The following RSPO3 variants were observed in gnomAD, a reference collection of about 807,000 sequenced individuals.
The protein encoded by RSPO3 is R-spondin 3.
Under a neutral mutation model 36.5 loss-of-function variants are expected in RSPO3, and 17 were observed. The observed-to-expected ratio is 0.47, with a 90% CI of 0.32 to 0.70. The LOEUF (loss-of-function observed/expected upper bound fraction) is 0.70. Ranked by LOEUF, RSPO3 falls within the 30% of genes least tolerant of loss-of-function variation. The pLI is 0.04. For missense variants in RSPO3, 294 were observed against 322.5 expected, an observed-to-expected ratio of 0.91 and a Z score of 0.68; for synonymous variants, 108 against 107.0, an observed-to-expected ratio of 1.01 and a Z score of -0.06.
intron 4 of RSPO3, among the ~76,000 whole-genome samples, chr6:127,159,940 T>C (rs551553431): frequency 6.6e-6 from 1 of 152,216 alleles, no homozygotes; most frequent in South Asian, 2.1e-4. Context: ...TGAGCCACCA[T>C]GCCTGGCTGA....
At chr6:127,152,615 C>T (rs191558020) in intron 3 of RSPO3, among the ~76,000 whole-genome samples, 1 of 152,202 alleles carries the variant, frequency 6.6e-6, no homozygotes, top group Admixed American at 6.5e-5. Flanking sequence ...CTAAAATCCA[C>T]ACCGTATTTC....
At position 127,195,863 on chromosome 6, in the gene RSPO3, A is replaced by G. The variant is rs1172606837; in HGVS notation, c.675A>G (p.Lys225=). ...AGAGGAAAAGAAAAAAACCTAATAA[A>G]GGAGAAAGTAAAGAAGCAATACCTG... The part of the protein sequence containing the change: ...GRERKRKKPN[K]GESKEAIPDS... Residue 225 remains lysine, a synonymous_variant, in exon 5 of 5, where the codon AAA becomes AAG. Coordinates refer to ENST00000356698, the MANE Select transcript of RSPO3 (RefSeq NM_032784.5). 8 of 1,598,306 alleles carry G rather than the reference A, an allele frequency of 5.0e-6. No homozygotes were observed. The highest frequency in any genetic ancestry group is 4.5e-5 in the East Asian group (2 of 44,632).
At chr6:127,195,752 T>C (rs1212578304) in intron 4 of RSPO3, 71 bp from the exon 5 acceptor site, 1 of 1,089,830 alleles carries the variant, frequency 9.2e-7, no homozygotes, top group African/African-American at 1.6e-5. Flanking sequence ...ATTTAAGTCA[T>C]TTTTTAAAAT....
chr6:127,171,315 T>C (rs1774930441), intron 4 of RSPO3, among the ~76,000 whole-genome samples: 1 of 151,770 alleles, frequency 6.6e-6, no homozygotes, highest in Non-Finnish European at 1.5e-5. Flanking sequence ...CAAGGCATTG[T>C]GCAGAGGTTA....
intron 1 of RSPO3, among the ~76,000 whole-genome samples, chr6:127,123,442 C>T (rs1419594263): frequency 1.3e-5 from 2 of 152,042 alleles, no homozygotes; most frequent in East Asian, 3.9e-4. Flanking sequence ...CGTGTAACAG[C>T]TGTATAAATC....
chr6:127,194,886 A>G (rs1188628563), intron 4 of RSPO3, among the ~76,000 whole-genome samples: 2 of 152,192 alleles, frequency 1.3e-5, no homozygotes, highest in African/African-American at 2.4e-5. Context: ...TAGAGACTCA[A>G]CCTGCCCTGG....
At chr6:127,162,707 C>T (rs1208954081) in intron 4 of RSPO3, among the ~76,000 whole-genome samples, 1 of 152,118 alleles carries the variant, frequency 6.6e-6, no homozygotes, top group South Asian at 2.1e-4. Context: ...TTATATCAGT[C>T]CACAAGGTAA....
chr6:127,123,486 AC>A (rs1773885010), intron 1 of RSPO3, among the ~76,000 whole-genome samples: 1 of 152,158 alleles, frequency 6.6e-6, no homozygotes, highest in African/African-American at 2.4e-5. Context: ...GGTAGTGGCA[AC>A]ATCTAAATGC....
chr6:127,179,480 C>T (rs571880229), intron 4 of RSPO3, among the ~76,000 whole-genome samples: 9 of 151,874 alleles, frequency 5.9e-5, no homozygotes, highest in Admixed American at 5.3e-4. Context: ...ATAACCAAAA[C>T]GATCTCATTT....
chr6:127,192,765 C>A, intron 4 of RSPO3: 1 of 743,968 alleles, frequency 1.3e-6, no homozygotes, highest in Non-Finnish European at 1.6e-6. Flanking sequence ...TGGCAAAGCA[C>A]ACGTGTGTGT....
chr6:127,186,560 G>C (rs372929464), intron 4 of RSPO3, among the ~76,000 whole-genome samples: 1 of 151,988 alleles, frequency 6.6e-6, no homozygotes, highest in African/African-American at 2.4e-5. Context: ...GGAAACATGA[G>C]AGTCAACTCA....
chr6:127,192,900 G>C (rs1775441408), intron 4 of RSPO3, among the ~76,000 whole-genome samples: 1 of 152,044 alleles, frequency 6.6e-6, no homozygotes, highest in African/African-American at 2.4e-5. Context: ...GAATAAAAAA[G>C]GAAGTCCCCT....
chr6:127,169,010 T>G (rs530981079), intron 4 of RSPO3, among the ~76,000 whole-genome samples: 6 of 152,078 alleles, frequency 3.9e-5, no homozygotes, highest in African/African-American at 1.4e-4. Context: ...AGCCTTGTAG[T>G]ATAGTTTGAA....
chr6:127,142,033 A>G (rs913603357), intron 1 of RSPO3, among the ~76,000 whole-genome samples: 21 of 152,128 alleles, frequency 1.4e-4, no homozygotes, highest in African/African-American at 4.3e-4. Flanking sequence ...CAGATGATAA[A>G]CAGTATTTCA....
intron 4 of RSPO3, among the ~76,000 whole-genome samples, chr6:127,177,630 A>T (rs994070051): frequency 6.6e-5 from 10 of 151,916 alleles, no homozygotes; most frequent in African/African-American, 2.4e-4. Flanking sequence ...GGAATGAATA[A>T]GAGCAGAGTG....
intron 1 of RSPO3, among the ~76,000 whole-genome samples, chr6:127,136,486 A>G (rs1346811805): frequency 1.3e-5 from 2 of 152,188 alleles, no homozygotes; most frequent in Non-Finnish European, 2.9e-5. Context: ...CCTGAGCTGG[A>G]AAAGTATCAT....
At chr6:127,189,295 T>C (rs1775360500) in intron 4 of RSPO3, among the ~76,000 whole-genome samples, 1 of 151,560 alleles carries the variant, frequency 6.6e-6, no homozygotes, top group African/African-American at 2.4e-5. Flanking sequence ...GCCAGATAAT[T>C]CAACAGTAAG....
At chr6:127,148,609 T>C in intron 1 of RSPO3, 39 bp from the exon 2 acceptor site, 2 of 1,531,100 alleles carry the variant, frequency 1.3e-6, no homozygotes, top group Non-Finnish European at 1.8e-6. Context: ...TTATCTGTGA[T>C]TTAACCTTTG....
At chr6:127,190,772 T>C (rs574754320) in intron 4 of RSPO3, among the ~76,000 whole-genome samples, 1 of 152,306 alleles carries the variant, frequency 6.6e-6, no homozygotes, top group South Asian at 2.1e-4. Flanking sequence ...TGGCTCCCCT[T>C]AGTGACACTT....
Sources: gnomAD v4.1 joint callset for allele counts (sites outside exome capture counted in the v4.1 genomes callset) on GRCh38, gnomAD v4.1.1 for gene constraint, MANE v1.5 for transcripts, NCBI Gene and HGNC (gene_info 2026-07-23, HGNC 2026-07-21) for gene names.